The following INPP4A variants were observed in gnomAD, a reference collection of about 807,000 sequenced individuals.
INPP4A encodes inositol polyphosphate-4-phosphatase, type I, 107kD.
Under a neutral mutation model 119.8 loss-of-function variants are expected in INPP4A, and 33 were observed. The observed-to-expected ratio is 0.28, with a 90% CI of 0.21 to 0.37. The LOEUF (loss-of-function observed/expected upper bound fraction) is 0.37. Ranked by LOEUF, INPP4A falls within the 10% of genes least tolerant of loss-of-function variation. The probability of loss-of-function intolerance (pLI) is 1.00; values close to 1 mark genes in which losing one functional copy is unlikely to be tolerated. For missense variants in INPP4A, 956 were observed against 1,289.9 expected, an observed-to-expected ratio of 0.74 and a Z score of 3.97; for synonymous variants, 496 against 500.7, an observed-to-expected ratio of 0.99 and a Z score of 0.12.
chr2:98,576,414 G>A (rs1340951599), intron 23 of INPP4A, among the ~76,000 whole-genome samples: 1 of 152,216 alleles, frequency 6.6e-6, no homozygotes, highest in African/African-American at 2.4e-5. Flanking sequence ...AGTATGGCGG[G>A]AGGAGGCCTG....
At chr2:98,585,555 G>A (rs1345738833) in intron 24 of INPP4A, among the ~76,000 whole-genome samples, 1 of 152,198 alleles carries the variant, frequency 6.6e-6, no homozygotes. Context: ...TCTGCAGCAG[G>A]AAACCCCAGT....
chr2:98,567,016 G>A (rs1192769493), intron 21 of INPP4A, among the ~76,000 whole-genome samples: 1 of 152,200 alleles, frequency 6.6e-6, no homozygotes, highest in East Asian at 1.9e-4. Context: ...ACGCCTAGGT[G>A]TAGGGTCACA....
At chr2:98,541,190 G>A (rs1233196155) in intron 10 of INPP4A, among the ~76,000 whole-genome samples, 3 of 152,176 alleles carry the variant, frequency 2.0e-5, no homozygotes, top group South Asian at 2.1e-4. Context: ...AGCCGGGCGC[G>A]GTGGTGGGCG....
chr2:98,563,664 G>C (rs376473509), intron 18 of INPP4A, 27 bp downstream of exon 18: 10 of 1,606,942 alleles, frequency 6.2e-6, no homozygotes, highest in Non-Finnish European at 7.6e-6. Context: ...CCCCGAGGGA[G>C]ACCACGGGCA....
rs934073678 is a variant in INPP4A, at chr2:98,487,727, T to C, written c.-165-31237T>C. On this transcript the variant is annotated intron_variant, in intron 1 of 24. Coordinates refer to ENST00000409851, the MANE Select transcript of INPP4A (RefSeq NM_001134225.2). ...CATATGTCTGAAGAACAAAGAAGGTTGGAGGTTTTATAAAAAGCAGAAATG... is the reference window on the plus strand; with the variant it reads ...CATATGTCTGAAGAACAAAGAAGGTCGGAGGTTTTATAAAAAGCAGAAATG... Among the ~76,000 whole-genome samples, 2 of 152,220 alleles carry C rather than the reference T, an allele frequency of 1.3e-5. 1 individual carries two copies. Among genetic ancestry groups the C allele is most frequent in the East Asian group, 3.8e-4 (2 of 5,206 alleles).
intron 13 of INPP4A, among the ~76,000 whole-genome samples, chr2:98,551,286 T>C (rs1693472343): frequency 6.6e-6 from 1 of 152,192 alleles, no homozygotes; most frequent in African/African-American, 2.4e-5. Context: ...GAGATTGTCT[T>C]TTTAAGATGA....
intron 1 of INPP4A, among the ~76,000 whole-genome samples, chr2:98,465,574 TGAG>T (rs1574537268): frequency 6.6e-6 from 1 of 152,194 alleles, no homozygotes; most frequent in Admixed American, 6.5e-5. Context: ...AGCAGCCTGA[TGAG>T]GACCATACTG....
intron 13 of INPP4A, among the ~76,000 whole-genome samples, chr2:98,550,629 C>T (rs1273860560): frequency 6.6e-6 from 1 of 152,192 alleles, no homozygotes; most frequent in Non-Finnish European, 1.5e-5. Flanking sequence ...CATCCTGCCG[C>T]CCTCATGTGG....
At chr2:98,568,712 T>C in intron 22 of INPP4A, 44 bp downstream of exon 22, 4 of 1,089,590 alleles carry the variant, frequency 3.7e-6, no homozygotes, top group Non-Finnish European at 5.5e-6. Context: ...TACTCGTCTT[T>C]TTATCAGTTT....
intron 1 of INPP4A, among the ~76,000 whole-genome samples, chr2:98,464,538 C>T (rs2104707946): frequency 1.3e-5 from 2 of 152,206 alleles, no homozygotes; most frequent in Middle Eastern, 6.8e-3. Flanking sequence ...CTTTTTTTGC[C>T]TGCCCAGCCT....
rs1050711534 is a variant in INPP4A at position 98,477,791 on chromosome 2, C to T, written c.-166+32706C>T. 2.6e-5 allele frequency among the ~76,000 whole-genome samples: 4 copies of T among 152,302 alleles called. No homozygotes were observed. In the East Asian group the frequency reaches 7.7e-4, roughly 29 times the overall value. ...TGTGTGGGTCTTGCCCAGGAGACAG[C>T]GGTTGGATGAGGGAGGAGAGGCTAA... is the stretch of plus-strand genomic sequence containing the variant. On this transcript the variant is annotated intron_variant, in intron 1 of 24. Transcript: ENST00000409851.
intron 1 of INPP4A, among the ~76,000 whole-genome samples, chr2:98,458,291 C>A (rs1253693445): frequency 6.6e-6 from 1 of 152,010 alleles, no homozygotes; most frequent in Non-Finnish European, 1.5e-5. Flanking sequence ...TTGCAGTGAG[C>A]TATGATTGTA....
chr2:98,454,132 A>G (rs1157050346), intron 1 of INPP4A, among the ~76,000 whole-genome samples: 2 of 152,210 alleles, frequency 1.3e-5, no homozygotes, highest in Admixed American at 6.5e-5. Flanking sequence ...TCTGGATGCC[A>G]GATGGGTCCT....
chr2:98,553,058 C>G, intron 14 of INPP4A, 89 bp downstream of exon 14: 3 of 1,003,466 alleles, frequency 3.0e-6, no homozygotes, highest in Non-Finnish European at 4.4e-6. Flanking sequence ...CTAAGATGGT[C>G]CACAAAGAGC....
intron 1 of INPP4A, among the ~76,000 whole-genome samples, chr2:98,492,440 A>T (rs796089039): frequency 2.6e-5 from 4 of 152,238 alleles, no homozygotes; most frequent in African/African-American, 9.6e-5. Flanking sequence ...CTACTATAAC[A>T]TCTCTCTTGT....
At chr2:98,467,409 A>G (rs539194726) in intron 1 of INPP4A, among the ~76,000 whole-genome samples, 1 of 152,230 alleles carries the variant, frequency 6.6e-6, no homozygotes, top group African/African-American at 2.4e-5. Flanking sequence ...ATGATTCATC[A>G]CACTGTTAAC....
At chr2:98,474,565 G>A (rs1311595445) in intron 1 of INPP4A, among the ~76,000 whole-genome samples, 3 of 152,186 alleles carry the variant, frequency 2.0e-5, no homozygotes, top group Non-Finnish European at 4.4e-5. Context: ...CCTCCTGCTT[G>A]GTGAGTGACA....
At chr2:98,478,677 G>A (rs2104990629) in intron 1 of INPP4A, among the ~76,000 whole-genome samples, 1 of 152,228 alleles carries the variant, frequency 6.6e-6, no homozygotes, top group Non-Finnish European at 1.5e-5. Context: ...GGGAGAATAG[G>A]GTGAATGGGA....
chr2:98,460,052 T>A (rs1238637333), intron 1 of INPP4A, among the ~76,000 whole-genome samples: 2 of 142,660 alleles, frequency 1.4e-5, no homozygotes, highest in African/African-American at 5.2e-5. Flanking sequence ...AACCTAGGTC[T>A]GCTTCCACTT....
Sources: allele counts gnomAD v4.1 joint callset (sites outside exome capture counted in the v4.1 genomes callset), GRCh38; gene constraint gnomAD v4.1.1; transcripts MANE v1.5; gene names NCBI Gene and HGNC (gene_info 2026-07-23, HGNC 2026-07-21).